OXCT1: variants seen among roughly 807,000 people sequenced by gnomAD.
The protein encoded by OXCT1 is succinyl-CoA:3-ketoacid coenzyme A transferase 1, mitochondrial.
OXCT1 carries 27 observed loss-of-function variants against 69.6 expected under a neutral mutation model. The ratio of observed to expected loss-of-function variants is 0.39; its 90% CI spans 0.29 to 0.54. The LOEUF (loss-of-function observed/expected upper bound fraction) is 0.54. Among genes scored for constraint, OXCT1 ranks in the 20% least tolerant of loss-of-function variants. OXCT1 has a pLI of 0.72. For missense variants in OXCT1, 437 were observed against 650.2 expected (o/e 0.67, Z 3.57); for synonymous variants, 202 against 217.8 (o/e 0.93, Z 0.64).
intron 16 of OXCT1, among the ~76,000 whole-genome samples, chr5:41,734,655 G>A (rs1742798725): frequency 6.6e-6 from 1 of 152,098 alleles, no homozygotes; most frequent in South Asian, 2.1e-4. Context: ...AAAATCTGAG[G>A]ACAATGGGAG....
rs75737639 is a variant in OXCT1, at chr5:41,751,926, T to C, written c.1339-2319A>G. Among the ~76,000 whole-genome samples, 104 of 151,920 alleles carry C rather than the reference T, an allele frequency of 6.8e-4. No homozygotes were observed. In the East Asian group the frequency reaches 0.016, roughly 23 times the overall value. On this transcript the variant is annotated intron_variant, in intron 14 of 16. Transcript: ENST00000196371. ...CAGATCAAGGAAAAAGAAAATGAGA[T>C]GCAGAAAGATTTTAAAATGTCACAA...
In OXCT1 at chr5:41,758,600, T is replaced by C. The variant is rs547916607; in HGVS notation, c.1338+3511A>G. ...GGTACCAAAGATTCAGATGGCACCT[T>C]AGAAGGCTGCAGAGCAGAGGGCATT... is the stretch of plus-strand genomic sequence containing the variant. On this transcript the variant is annotated intron_variant, in intron 14 of 16. Coordinates refer to ENST00000196371, the MANE Select transcript of OXCT1 (RefSeq NM_000436.4). Among the ~76,000 whole-genome samples, 4 of 151,060 alleles carry C rather than the reference T, an allele frequency of 2.6e-5. No homozygotes were observed. In the East Asian group the frequency reaches 7.9e-4, roughly 30 times the overall value.
rs143013762 is a variant in OXCT1, at chr5:41,760,763, C to A, written c.1338+1348G>T. Among the ~76,000 whole-genome samples, 664 of 152,220 alleles carry A rather than the reference C, an allele frequency of 4.4e-3. 4 individuals carry two copies. Among genetic ancestry groups the A allele is most frequent in the Middle Eastern group, 0.014 (4 of 294 alleles). On this transcript the variant is annotated intron_variant, in intron 14 of 16. Coordinates refer to ENST00000196371, the MANE Select transcript of OXCT1 (RefSeq NM_000436.4). ...TATTTTGGATGCTTTGCAAGGCATT[C>A]TCAGAAGTCACCTGTGCTGGTACCA...
intron 14 of OXCT1, among the ~76,000 whole-genome samples, chr5:41,751,175 C>T (rs1313781643): frequency 6.6e-6 from 1 of 152,088 alleles, no homozygotes; most frequent in African/African-American, 2.4e-5. Flanking sequence ...CTACAGTTGT[C>T]AGGTCTCCTT....
intron 5 of OXCT1, among the ~76,000 whole-genome samples, chr5:41,847,028 G>A (rs907164886): frequency 1.8e-4 from 27 of 151,954 alleles, no homozygotes; most frequent in African/African-American, 4.8e-4. Flanking sequence ...CTGATAGACC[G>A]CTAGCAAGAC....
chr5:41,783,164 GA>G (rs1745491654), intron 13 of OXCT1, among the ~76,000 whole-genome samples: 1 of 152,178 alleles, frequency 6.6e-6, no homozygotes, highest in Non-Finnish European at 1.5e-5. Context: ...AAACAAGACT[GA>G]CCATAAGTGG....
At position 41,807,448 on chromosome 5, in the gene OXCT1, G is replaced by C. The variant is rs1233051833; in HGVS notation, c.733-10C>G. 3.3e-6 allele frequency: 5 copies of C among 1,501,784 alleles called. No homozygotes were observed. Among genetic ancestry groups the C allele is most frequent in the South Asian group, 2.3e-5 (2 of 88,758 alleles). 93.0% of individuals were successfully genotyped at this position (1,501,784 alleles called of 1,614,324 possible). On this transcript the variant is annotated splice_polypyrimidine_tract_variant and intron_variant, in intron 7 of 16. Transcript: ENST00000196371. ...CCACAATTTCTTCAACCTAGACAAA[G>C]AGAAATTTCTTTCAAAGTTAGTGAA...
intron 5 of OXCT1, among the ~76,000 whole-genome samples, chr5:41,848,504 G>A (rs554259070): frequency 0.012 from 1,684 of 144,028 alleles, 76 homozygotes; most frequent in Middle Eastern, 0.04. Flanking sequence ...GAACAAAGCC[G>A]GAGGCATCAC....
intron 9 of OXCT1, among the ~76,000 whole-genome samples, chr5:41,804,128 G>A (rs1746556132): frequency 6.6e-6 from 1 of 152,092 alleles, no homozygotes. Flanking sequence ...CTTGTGGATA[G>A]AGTAAATCTA....
chr5:41,835,174 C>T lies in OXCT1; in HGVS notation c.732+5277G>A, dbSNP rs1302067572. Among the ~76,000 whole-genome samples the T allele has an allele frequency of 3.3e-5, 5 of 152,126 alleles. No homozygotes were observed. In the East Asian group the frequency reaches 7.7e-4, roughly 23 times the overall value. ...AAAACTCATAAGAAATTCAAAGAGT[C>T]GTTAGTGGCTACTAGGAGCAACTAT... On this transcript the variant is annotated intron_variant, in intron 7 of 16. Transcript: ENST00000196371.
chr5:41,810,325 G>C (rs553256596), intron 7 of OXCT1, among the ~76,000 whole-genome samples: 1 of 152,216 alleles, frequency 6.6e-6, no homozygotes, highest in South Asian at 2.1e-4. Context: ...AAAGATGGCA[G>C]AGTTTTCCTC....
chr5:41,735,253 T>C (rs1406985038), intron 16 of OXCT1, among the ~76,000 whole-genome samples: 6 of 152,138 alleles, frequency 3.9e-5, no homozygotes, highest in Admixed American at 3.3e-4. Flanking sequence ...CAATGAAATA[T>C]TATACAGCCT....
chr5:41,843,837 G>A (rs1748764735), intron 5 of OXCT1, among the ~76,000 whole-genome samples: 1 of 152,156 alleles, frequency 6.6e-6, no homozygotes. Flanking sequence ...CATTAACCAA[G>A]TTGCCTGCTA....
chr5:41,866,082 C>T (rs1749960322), intron 1 of OXCT1, among the ~76,000 whole-genome samples: 1 of 115,782 alleles, frequency 8.6e-6, no homozygotes, highest in Admixed American at 9.9e-5. Flanking sequence ...ATAACATATT[C>T]TGATGTTATA....
chr5:41,803,107 T>C lies in OXCT1; in HGVS notation c.1012A>G (p.Thr338Ala), dbSNP rs370812681. ...LASNFISPNITVHLQSENGVL... is the reference protein window; with the variant it reads ...LASNFISPNIAVHLQSENGVL... ...CCATTTTCACTTTGAAGATGAACAG[T>C]TATATTTGGGCTGATAAAATTGCTG... is the stretch of plus-strand genomic sequence containing the variant. Residue 338 changes from threonine to alanine, a missense_variant, in exon 10 of 17, where the codon ACT (threonine) becomes GCT (alanine). Physicochemically the swap from Thr to Ala is moderately conservative, Grantham distance 58. Transcript: ENST00000196371. 4 of 1,612,328 alleles carry C rather than the reference T, an allele frequency of 2.5e-6. No individual in the cohort carries two copies. In the African/African-American group the frequency reaches 5.3e-5, roughly 22 times the overall value.
rs1744410763 is a variant in OXCT1 at position 41,762,806 on chromosome 5, A to G, written c.1249-606T>C. ...GAACACAGAAACAGAGTTCAGGATC[A>G]TTTCACCATTATCATTCTATTTTTG... On this transcript the variant is annotated intron_variant, in intron 13 of 16. Coordinates refer to ENST00000196371, the MANE Select transcript of OXCT1 (RefSeq NM_000436.4). The surrounding 1 kb of genome is among the most constrained non-coding windows in gnomAD (Gnocchi z 4.0). Among the ~76,000 whole-genome samples the G allele has an allele frequency of 6.6e-6, 1 of 152,108 alleles. No homozygotes were observed. Among genetic ancestry groups the G allele is most frequent in the South Asian group, 2.1e-4 (1 of 4,830 alleles).
chr5:41,786,727 G>GT (rs1745658749), intron 13 of OXCT1, among the ~76,000 whole-genome samples: 1 of 152,178 alleles, frequency 6.6e-6, no homozygotes, highest in Admixed American at 6.5e-5. Context: ...AAAAATAGCT[G>GT]TATTTTATTC....
chr5:41,780,416 G>A (rs1488631916), intron 13 of OXCT1, among the ~76,000 whole-genome samples: 1 of 152,086 alleles, frequency 6.6e-6, no homozygotes, highest in Non-Finnish European at 1.5e-5. Flanking sequence ...AAGGAGTAAA[G>A]GCAAACTGTT....
intron 7 of OXCT1, among the ~76,000 whole-genome samples, chr5:41,835,142 G>C (rs933060352): frequency 5.3e-5 from 8 of 152,024 alleles, no homozygotes; most frequent in African/African-American, 1.9e-4. Flanking sequence ...ATGAAAAAGG[G>C]GACATTAAAA....
Sources: gnomAD v4.1 joint callset for allele counts (sites outside exome capture counted in the v4.1 genomes callset) on GRCh38, gnomAD v4.1.1 for gene constraint, Gnocchi (gnomAD v3.1) non-coding constraint, MANE v1.5 for transcripts, NCBI Gene and HGNC (gene_info 2026-07-23, HGNC 2026-07-21) for gene names.